The following ATP8A2 variants were observed in gnomAD, a reference collection of about 807,000 sequenced individuals.
ATP8A2 encodes the protein ATPase phospholipid transporting 8A2.
A neutral mutation model predicts 165.6 loss-of-function variants in ATP8A2; 100 were observed. The observed-to-expected ratio is 0.60, with a 90% CI of 0.51 to 0.71. The LOEUF (loss-of-function observed/expected upper bound fraction) is 0.71. ATP8A2 is among the 30% of genes least tolerant of loss of function. ATP8A2 has a pLI of 0.00. For missense variants in ATP8A2, 1,227 were observed against 1,479.5 expected (o/e 0.83, Z 2.80); for synonymous variants, 543 against 548.8 (o/e 0.99, Z 0.15).
chr13:25,929,797 C>T (rs888774623), intron 33 of ATP8A2, among the ~76,000 whole-genome samples: 2 of 152,174 alleles, frequency 1.3e-5, no homozygotes, highest in African/African-American at 2.4e-5. Flanking sequence ...GCACTCAAAC[C>T]TGGGCAACAG....
chr13:25,993,829 C>A (rs1238511857), intron 35 of ATP8A2, among the ~76,000 whole-genome samples: 1 of 152,028 alleles, frequency 6.6e-6, no homozygotes, highest in African/African-American at 2.4e-5. Flanking sequence ...GTTCTTTTAC[C>A]TTTCCGTATA....
Position 25,585,510 on chromosome 13 carries a change from C to A in ATP8A2, c.2146+3553C>A, listed in dbSNP as rs116225846. ...CCATTTCTGAATTGAAATTTAAAGTCTTTCCCCCACCCTCCCTGCATTTTG... is the reference window on the plus strand; with the variant it reads ...CCATTTCTGAATTGAAATTTAAAGTATTTCCCCCACCCTCCCTGCATTTTG... On this transcript the variant is annotated intron_variant, in intron 23 of 36. Coordinates refer to ENST00000381655, the MANE Select transcript of ATP8A2 (RefSeq NM_016529.6). 9.3e-3 allele frequency among the ~76,000 whole-genome samples: 1,418 copies of A among 152,192 alleles called. 24 individuals carry two copies. Among genetic ancestry groups the A allele is most frequent in the African/African-American group, 0.033 (1,361 of 41,508 alleles).
chr13:25,713,925 G>A lies in ATP8A2; in HGVS notation c.2384+14580G>A, dbSNP rs541436704. Among the ~76,000 whole-genome samples, 29 of 152,266 alleles carry A rather than the reference G, an allele frequency of 1.9e-4. 1 individual carries two copies. The highest frequency in any genetic ancestry group is 9.7e-4 in the East Asian group (5 of 5,176). ...CAGTAAAAATTACGTAGACTGTACA[G>A]TTATGAATTAGATGCTTGGTCTCTT... is the stretch of plus-strand genomic sequence containing the variant. On this transcript the variant is annotated intron_variant, in intron 25 of 36. Transcript: ENST00000381655.
chr13:25,668,938 GCTTT>G (rs988045770), intron 24 of ATP8A2, among the ~76,000 whole-genome samples: 16 of 151,984 alleles, frequency 1.1e-4, no homozygotes, highest in African/African-American at 3.6e-4. Flanking sequence ...CTTATACATT[GCTTT>G]CTTTATTTCC....
intron 28 of ATP8A2, among the ~76,000 whole-genome samples, chr13:25,836,323 G>A (rs1418412554): frequency 6.6e-6 from 1 of 152,126 alleles, no homozygotes; most frequent in Non-Finnish European, 1.5e-5. Flanking sequence ...TCCAAACAGT[G>A]GCCTCCTATA....
rs1957084759 is a variant in ATP8A2, at chr13:26,021,713, G to C, written c.*1728G>C. ...TACTGGTGAAAAATGGGAGTGGAGA[G>C]CATGTTTTGGATTTTCACTGTGGGG... On this transcript the variant is annotated 3_prime_UTR_variant, in exon 37 of 37. Transcript: ENST00000381655. 6.6e-6 allele frequency: 1 copy of C among 152,150 alleles called. No individual in the cohort carries two copies. Among genetic ancestry groups the C allele is most frequent in the Non-Finnish European group, 1.5e-5 (1 of 68,028 alleles). 9.4% of individuals were successfully genotyped at this position (152,150 alleles called of 1,614,324 possible). A position where few individuals can be genotyped will look rare whatever the true frequency, so the allele number is the denominator to read the frequency against.
At chr13:25,790,313 G>C (rs1356081447) in intron 27 of ATP8A2, among the ~76,000 whole-genome samples, 1 of 152,102 alleles carries the variant, frequency 6.6e-6, no homozygotes, top group Non-Finnish European at 1.5e-5. Flanking sequence ...AAAAATGTTT[G>C]CAAACTATAT....
At chr13:26,014,168 G>T (rs968968431) in intron 36 of ATP8A2, among the ~76,000 whole-genome samples, 1 of 152,166 alleles carries the variant, frequency 6.6e-6, no homozygotes, top group Non-Finnish European at 1.5e-5. Context: ...CTGCTTTTTC[G>T]TGACCTTGGG....
chr13:25,507,904 A>G (rs1369777888), intron 2 of ATP8A2, among the ~76,000 whole-genome samples: 1 of 152,196 alleles, frequency 6.6e-6, no homozygotes, highest in African/African-American at 2.4e-5. Context: ...AGACAATTCC[A>G]AGAGGCTTTG....
At chr13:25,907,811 G>C (rs1034792535) in intron 33 of ATP8A2, among the ~76,000 whole-genome samples, 1 of 152,042 alleles carries the variant, frequency 6.6e-6, no homozygotes, top group Non-Finnish European at 1.5e-5. Flanking sequence ...TGTGCTTTTA[G>C]CTGCCAAACA....
chr13:25,499,243 G>A (rs1308266312), intron 2 of ATP8A2, among the ~76,000 whole-genome samples: 1 of 152,192 alleles, frequency 6.6e-6, no homozygotes, highest in African/African-American at 2.4e-5. Context: ...AAAGGTGAAT[G>A]TGTTACTCAC....
At chr13:25,912,704 CT>C (rs1474363814) in intron 33 of ATP8A2, among the ~76,000 whole-genome samples, 1 of 152,056 alleles carries the variant, frequency 6.6e-6, no homozygotes, top group Non-Finnish European at 1.5e-5. Flanking sequence ...TTTTAATTAA[CT>C]GTGTAAGTAT....
rs547055939 is a variant in ATP8A2, at chr13:25,424,116, G to T, written c.77-44861G>T. 1.3e-3 allele frequency among the ~76,000 whole-genome samples: 201 copies of T among 152,304 alleles called. 1 individual carries two copies. Among genetic ancestry groups the T allele is most frequent in the African/African-American group, 4.7e-3 (194 of 41,556 alleles). ...TTGGTGTGGGAAATAGAGCTGAGAAGGGGATCGTGGACCTTCTGTGACATG... is the reference window on the plus strand; with the variant it reads ...TTGGTGTGGGAAATAGAGCTGAGAATGGGATCGTGGACCTTCTGTGACATG... On this transcript the variant is annotated intron_variant, in intron 1 of 36. Coordinates refer to ENST00000381655, the MANE Select transcript of ATP8A2 (RefSeq NM_016529.6).
intron 24 of ATP8A2, among the ~76,000 whole-genome samples, chr13:25,626,136 C>T (rs1298711292): frequency 6.6e-6 from 1 of 152,114 alleles, no homozygotes; most frequent in Non-Finnish European, 1.5e-5. Context: ...GGGTGCTAAC[C>T]ACAATTTTAG....
At chr13:25,458,705 G>C (rs471864) in intron 1 of ATP8A2, among the ~76,000 whole-genome samples, 61,633 of 152,154 alleles carry the variant, frequency 0.41, 12,792 homozygotes, top group East Asian at 0.6. Flanking sequence ...GTTTCTCTCC[G>C]TGGGGAAAGT....
At chr13:25,511,931 A>G (rs1272919259) in intron 2 of ATP8A2, among the ~76,000 whole-genome samples, 2 of 149,246 alleles carry the variant, frequency 1.3e-5, no homozygotes, top group African/African-American at 5.0e-5. Flanking sequence ...TGTTTCTCGC[A>G]GAGGGGGATT....
At chr13:26,016,965 C>A (rs1333486551) in intron 36 of ATP8A2, among the ~76,000 whole-genome samples, 1 of 152,174 alleles carries the variant, frequency 6.6e-6, no homozygotes, top group Non-Finnish European at 1.5e-5. Context: ...GTCACATGGA[C>A]AAGTAGCAGC....
intron 25 of ATP8A2, among the ~76,000 whole-genome samples, chr13:25,766,138 C>A (rs217884): frequency 0.016 from 2,373 of 152,290 alleles, 24 homozygotes; most frequent in Non-Finnish European, 0.027. Flanking sequence ...TTAAGTGATG[C>A]CCTCCTTAGT....
At chr13:25,795,067 A>G (rs1000389004) in intron 27 of ATP8A2, among the ~76,000 whole-genome samples, 3 of 152,176 alleles carry the variant, frequency 2.0e-5, no homozygotes, top group Non-Finnish European at 4.4e-5. Context: ...TCTATGCATT[A>G]TAAACCAGGG....
Sources: allele counts gnomAD v4.1 joint callset (sites outside exome capture counted in the v4.1 genomes callset), GRCh38; gene constraint gnomAD v4.1.1; transcripts MANE v1.5; gene names NCBI Gene and HGNC (gene_info 2026-07-23, HGNC 2026-07-21).